The following CFAP61 variants were observed in gnomAD, a reference collection of about 807,000 sequenced individuals.
CFAP61 encodes the protein cilia- and flagella-associated protein 61.
CFAP61 carries 107 observed loss-of-function variants against 135.6 expected under a neutral mutation model. The observed-to-expected ratio is 0.79, with a 90% confidence interval of 0.67 to 0.93. The LOEUF is 0.93. Ranked by LOEUF, CFAP61 falls within the 40% of genes least tolerant of loss-of-function variation. CFAP61 has a pLI of 0.00. For synonymous variants in CFAP61, 575 were observed against 578.5 expected, an observed-to-expected ratio of 0.99 and a Z score of 0.09; for missense variants, 1,507 against 1,556.2, an observed-to-expected ratio of 0.97 and a Z score of 0.53.
chr20:20,294,764 T>C lies in CFAP61; in HGVS notation c.3217-3417T>C, dbSNP rs534312187. On this transcript the variant is annotated intron_variant, in intron 24 of 26. Coordinates refer to ENST00000245957, the MANE Select transcript of CFAP61 (RefSeq NM_015585.4). ...TAACAAGGTGAAACCCCGTCTCTACTAAAAATACAAAAAATTAGCCGGGCG... is the reference window on the plus strand; with the variant it reads ...TAACAAGGTGAAACCCCGTCTCTACCAAAAATACAAAAAATTAGCCGGGCG... Among the ~76,000 whole-genome samples, 6 of 151,392 alleles carry C rather than the reference T, an allele frequency of 4.0e-5. No homozygotes were observed. In the East Asian group the frequency reaches 1.2e-3, roughly 29 times the overall value.
chr20:20,195,951 G>A (rs2056252100), intron 15 of CFAP61, among the ~76,000 whole-genome samples: 1 of 152,092 alleles, frequency 6.6e-6, no homozygotes, highest in East Asian at 1.9e-4. Flanking sequence ...CGTGATGGTG[G>A]GCGCCTGAAA....
chr20:20,148,136 G>A (rs982419378), intron 9 of CFAP61, among the ~76,000 whole-genome samples: 1 of 152,122 alleles, frequency 6.6e-6, no homozygotes, highest in Admixed American at 6.5e-5. Context: ...CCAGTATTAT[G>A]CTGCTTTGGC....
chr20:20,277,137 A>T, intron 21 of CFAP61, 29 bp from the exon 22 acceptor site: 1 of 1,558,800 alleles, frequency 6.4e-7, no homozygotes, highest in African/African-American at 1.4e-5. Flanking sequence ...TCTGAACTGT[A>T]TATCTTAGCG....
chr20:20,314,382 AC>A (rs2056991755), intron 25 of CFAP61, among the ~76,000 whole-genome samples: 5 of 136,208 alleles, frequency 3.7e-5, no homozygotes, highest in African/African-American at 3.0e-5. Context: ...ACAGAGTGAG[AC>A]CCCATCTCAA....
chr20:20,242,900 C>T (rs1204341943), intron 18 of CFAP61, among the ~76,000 whole-genome samples: 2 of 152,194 alleles, frequency 1.3e-5, no homozygotes, highest in African/African-American at 4.8e-5. Context: ...TTGAGATCTA[C>T]AGGACAGTAC....
chr20:20,108,711 G>GA (rs1352142613), intron 8 of CFAP61, among the ~76,000 whole-genome samples: 2 of 152,164 alleles, frequency 1.3e-5, no homozygotes, highest in Non-Finnish European at 2.9e-5. Context: ...TAAATCTACA[G>GA]AAAAGTTGCA....
At chr20:20,351,912 C>T (rs193252862) in intron 26 of CFAP61, among the ~76,000 whole-genome samples, 139 of 151,398 alleles carry the variant, frequency 9.2e-4, no homozygotes, top group African/African-American at 3.3e-3. Context: ...CATATGGAAC[C>T]ACAAAAGACC....
chr20:20,094,902 TA>T (rs2047453964), intron 7 of CFAP61, among the ~76,000 whole-genome samples: 1 of 152,130 alleles, frequency 6.6e-6, no homozygotes, highest in South Asian at 2.1e-4. Flanking sequence ...CCTGCCTCCC[TA>T]GGGGGCTTTT....
intron 6 of CFAP61, among the ~76,000 whole-genome samples, chr20:20,084,324 C>G (rs2046641429): frequency 6.6e-6 from 1 of 152,178 alleles, no homozygotes; most frequent in Non-Finnish European, 1.5e-5. Flanking sequence ...GCTTTAAATA[C>G]AAATCCTCTC....
intron 2 of CFAP61, among the ~76,000 whole-genome samples, chr20:20,069,194 C>T (rs1312588797): frequency 6.6e-6 from 1 of 152,178 alleles, no homozygotes; most frequent in South Asian, 2.1e-4. Context: ...TGGTGAACTG[C>T]TCTTGTAAAA....
chr20:20,169,415 C>T lies in CFAP61; in HGVS notation c.1340C>T (p.Thr447Ile). 1 of 1,614,004 alleles carries T rather than the reference C, an allele frequency of 6.2e-7. No homozygotes were observed. Among genetic ancestry groups the T allele is most frequent in the Non-Finnish European group, 8.5e-7 (1 of 1,179,946 alleles). Residue 447 changes from threonine (T) to isoleucine (I), a missense_variant, in exon 13 of 27, where the codon ACC (threonine) becomes ATC (isoleucine). Thr to Ile is a moderately conservative substitution (Grantham distance 89, BLOSUM62 -1). Coordinates refer to ENST00000245957, the MANE Select transcript of CFAP61 (RefSeq NM_015585.4). ...FVKMVPFNTCTLEQDLYVFHR... is the reference protein window; with the variant it reads ...FVKMVPFNTCILEQDLYVFHR... ...AAAATGGTCCCTTTCAACACCTGCA[C>T]CCTCGAGCAGGACCTCTACGTCTTC...
intron 21 of CFAP61, among the ~76,000 whole-genome samples, chr20:20,274,642 C>T (rs2053604804): frequency 6.6e-6 from 1 of 151,990 alleles, no homozygotes; most frequent in Admixed American, 6.6e-5. Flanking sequence ...GCCTGGGCAA[C>T]AGGCGAGACT....
rs532157100 is a variant in CFAP61 at position 20,304,272 on chromosome 20, C to CTGTGTGTGTGTG, written c.3422+5907_3422+5918dup. Among the ~76,000 whole-genome samples, 522 of 103,064 alleles carry CTGTGTGTGTGTG rather than the reference C, an allele frequency of 5.1e-3. 3 individuals carry two copies. The highest frequency in any genetic ancestry group is 0.011 in the South Asian group (28 of 2,574). 67.6% of individuals were successfully genotyped at this position (103,064 alleles called of 152,430 possible). ...GACAGAACTAATCCACCATCGGTGA[C>CTGTGTGTGTGTG]TGTGTGTGTGTGTGTGTGTGTGTGT... On this transcript the variant is annotated intron_variant, in intron 25 of 26. Transcript: ENST00000245957.
intron 18 of CFAP61, among the ~76,000 whole-genome samples, chr20:20,229,492 G>A (rs1351777039): frequency 6.6e-6 from 1 of 152,166 alleles, no homozygotes; most frequent in East Asian, 1.9e-4. Context: ...GTAAGCAGGA[G>A]ATGGGAAAAT....
chr20:20,110,897 C>T (rs1437493773), intron 8 of CFAP61, among the ~76,000 whole-genome samples: 3 of 152,130 alleles, frequency 2.0e-5, no homozygotes, highest in African/African-American at 4.8e-5. Context: ...AACAAGACAA[C>T]CTAGAGTCTC....
At chr20:20,284,831 G>A (rs1390422220) in intron 22 of CFAP61, among the ~76,000 whole-genome samples, 2 of 152,080 alleles carry the variant, frequency 1.3e-5, no homozygotes, top group African/African-American at 4.8e-5. Context: ...TTGTTTTAAG[G>A]TCATATGTAT....
At chr20:20,105,618 T>G (rs956830411) in intron 8 of CFAP61, among the ~76,000 whole-genome samples, 2 of 151,818 alleles carry the variant, frequency 1.3e-5, no homozygotes, top group African/African-American at 4.8e-5. Context: ...TGTTAAAATT[T>G]GAATTATTTA....
At chr20:20,065,670 T>C (rs1050121619) in intron 2 of CFAP61, among the ~76,000 whole-genome samples, 1 of 152,062 alleles carries the variant, frequency 6.6e-6, no homozygotes, top group African/African-American at 2.4e-5. Flanking sequence ...TTTTATTTTA[T>C]TGACTGCCTG....
At chr20:20,106,875 A>C (rs1487738534) in intron 8 of CFAP61, among the ~76,000 whole-genome samples, 2 of 152,234 alleles carry the variant, frequency 1.3e-5, no homozygotes, top group African/African-American at 2.4e-5. Context: ...CCGTGTTTAA[A>C]ATAATGTTGA....
Sources: allele counts gnomAD v4.1 joint callset (sites outside exome capture counted in the v4.1 genomes callset), GRCh38; gene constraint gnomAD v4.1.1; transcripts MANE v1.5; gene names NCBI Gene and HGNC (gene_info 2026-07-23, HGNC 2026-07-21).